Variants in ATP1B1 observed in about 807,000 individuals in gnomAD.
ATP1B1 encodes ATPase Na+/K+ transporting subunit beta 1, also known as sodium/potassium-transporting ATPase subunit beta-1.
Under a neutral mutation model 39.6 loss-of-function variants are expected in ATP1B1, and 3 were observed. The observed-to-expected ratio is 0.08, with a 90% CI of 0.03 to 0.20. The LOEUF (loss-of-function observed/expected upper bound fraction) is 0.20. ATP1B1 is among the 10% of genes least tolerant of loss of function. The pLI, the probability that ATP1B1 is intolerant of heterozygous loss-of-function variation, is 1.00. For synonymous variants in ATP1B1, 139 were observed against 135.0 expected, an observed-to-expected ratio of 1.03 and a Z score of -0.20; for missense variants, 216 against 371.1, an observed-to-expected ratio of 0.58 and a Z score of 3.43.
intron 1 of ATP1B1, chr1:169,107,914 C>CAT (rs1657639741): frequency 6.9e-6 from 1 of 144,442 alleles, no homozygotes; most frequent in South Asian, 2.2e-4. Flanking sequence ...ATCATCATGA[C>CAT]CATCACCACC....
chr1:169,130,319 T>TAA (rs1658181903), intron 5 of ATP1B1, among the ~76,000 whole-genome samples: 1 of 152,156 alleles, frequency 6.6e-6, no homozygotes, highest in Admixed American at 6.5e-5. Flanking sequence ...TCCACTGGCA[T>TAA]AAGAAACTCA....
At chr1:169,115,810 T>C (rs1657832584) in intron 2 of ATP1B1, among the ~76,000 whole-genome samples, 1 of 152,242 alleles carries the variant, frequency 6.6e-6, no homozygotes, top group Non-Finnish European at 1.5e-5. Flanking sequence ...TTGGGAAACA[T>C]GTTTTTAAAA....
rs979735455 is a variant in ATP1B1 at position 169,120,109 on chromosome 1, G to C, written c.227-4775G>C. Among the ~76,000 whole-genome samples the C allele has an allele frequency of 6.6e-5, 10 of 152,218 alleles. No individual in the cohort carries two copies. The South Asian group carries it at 1.9e-3, about 28-fold the overall frequency. Reference sequence around the variant, plus strand: ...CCAGGAGAAGTTCTCAGGCCATCAGGCTTCGGATAAAGAAAAGAGAGGAGG... The same window carrying C: ...CCAGGAGAAGTTCTCAGGCCATCAGCCTTCGGATAAAGAAAAGAGAGGAGG... On this transcript the variant is annotated intron_variant, in intron 2 of 5. Transcript: ENST00000367815.
chr1:169,107,146 C>G (rs1415156786), intron 1 of ATP1B1, among the ~76,000 whole-genome samples: 2 of 152,210 alleles, frequency 1.3e-5, no homozygotes, highest in Non-Finnish European at 2.9e-5. Context: ...TGGAACACGA[C>G]AGGCGGAAGG....
In ATP1B1 at chr1:169,132,533, G is replaced by GTT; in HGVS notation, c.*980_*981dup. On this transcript the variant is annotated 3_prime_UTR_variant, in exon 6 of 6. Transcript: ENST00000367815. ...TGTATGAAATAAACCAAAGTCACTTGTTTGAAAATAAATCTTTATTTTGAA... is the reference window on the plus strand; with the variant it reads ...TGTATGAAATAAACCAAAGTCACTTGTTTTTGAAAATAAATCTTTATTTTGAA... 3 of 432,146 alleles carry GTT rather than the reference G, an allele frequency of 6.9e-6. No individual in the cohort carries two copies. Among genetic ancestry groups the GTT allele is most frequent in the Non-Finnish European group, 1.2e-5 (3 of 246,384 alleles). The allele number at this position is 432,146 out of a possible 1,614,324, so 26.8% of individuals were successfully genotyped here. A position where few individuals can be genotyped will look rare whatever the true frequency, so the allele number is the denominator to read the frequency against.
At chr1:169,127,918 T>C (rs12070626) in intron 4 of ATP1B1, among the ~76,000 whole-genome samples, 21,256 of 152,172 alleles carry the variant, frequency 0.14, 2,803 homozygotes, top group East Asian at 0.73. Flanking sequence ...TTTTCTGAAT[T>C]TTATTGCGGA....
intron 2 of ATP1B1, among the ~76,000 whole-genome samples, chr1:169,122,798 C>G (rs186458720): frequency 1.2e-3 from 155 of 132,112 alleles, no homozygotes; most frequent in Non-Finnish European, 1.6e-3. Flanking sequence ...GCTAGGTTGC[C>G]TGGGCTGGTC....
chr1:169,130,239 G>T, intron 5 of ATP1B1, 149 bp downstream of exon 5: 1 of 676,860 alleles, frequency 1.5e-6, no homozygotes, highest in Non-Finnish European at 2.4e-6. Context: ...GAGATGAATT[G>T]TAGCTATACT....
chr1:169,118,693 A>G (rs1190822278), intron 2 of ATP1B1, among the ~76,000 whole-genome samples: 1 of 152,230 alleles, frequency 6.6e-6, no homozygotes, highest in African/African-American at 2.4e-5. Context: ...ACGTGTGAGT[A>G]TGTATGAATT....
chr1:169,127,769 A>G (rs995534334), intron 4 of ATP1B1, among the ~76,000 whole-genome samples: 1 of 152,184 alleles, frequency 6.6e-6, no homozygotes, highest in African/African-American at 2.4e-5. Flanking sequence ...GGTTAGAGAA[A>G]AAAAAAAGTT....
At chr1:169,125,129 G>C (rs1279587746) in intron 3 of ATP1B1, 90 bp downstream of exon 3, 1 of 1,424,548 alleles carries the variant, frequency 7.0e-7, no homozygotes, top group East Asian at 2.4e-5. Context: ...ATGATCGAGA[G>C]ATAATCCTGA....
Position 169,106,868 on chromosome 1 carries a change from G to A in ATP1B1, c.39G>A (p.Lys13=), listed in dbSNP as rs535529400. 9.6e-5 allele frequency: 152 copies of A among 1,587,338 alleles called. 1 individual carries two copies. In the South Asian group the frequency reaches 1.7e-3, roughly 17 times the overall value. The stretch of plus-strand genomic sequence containing the variant: ...AAGCCAAGGAGGAGGGCAGCTGGAA[G>A]AAATTCATCTGGAACTCAGAGAAGA... The part of the protein sequence containing the change: ...RGKAKEEGSW[K]KFIWNSEKKE... The change falls in exon 1 of 6, where the codon AAG becomes AAA. Residue 13 remains lysine (K), a synonymous_variant. Transcript: ENST00000367815.
At chr1:169,111,151 C>T (rs1657719796) in intron 1 of ATP1B1, among the ~76,000 whole-genome samples, 1 of 152,064 alleles carries the variant, frequency 6.6e-6, no homozygotes, top group Non-Finnish European at 1.5e-5. Context: ...ATTCCTCCTA[C>T]CCTTAACCAC....
intron 2 of ATP1B1, among the ~76,000 whole-genome samples, chr1:169,115,429 A>G (rs576143917): frequency 6.7e-6 from 1 of 150,016 alleles, no homozygotes; most frequent in East Asian, 2.0e-4. Flanking sequence ...GCTCACTGCA[A>G]CCTCTGCCCC....
intron 1 of ATP1B1, 131 bp downstream of exon 1, chr1:169,107,057 C>G: frequency 1.2e-6 from 1 of 840,820 alleles, no homozygotes; most frequent in Non-Finnish European, 1.8e-6. Flanking sequence ...GGGTGGTGGA[C>G]GCTGCTGGGT....
intron 2 of ATP1B1, among the ~76,000 whole-genome samples, chr1:169,118,435 G>C (rs988084025): frequency 6.6e-6 from 1 of 152,204 alleles, no homozygotes; most frequent in African/African-American, 2.4e-5. Flanking sequence ...CTCAGAGCCT[G>C]AGTCTGGGAG....
Position 169,131,643 on chromosome 1 carries a change from A to G in ATP1B1, c.*88A>G. 3 of 1,430,826 alleles carry G rather than the reference A, an allele frequency of 2.1e-6. No homozygotes were observed. Among genetic ancestry groups the G allele is most frequent in the South Asian group, 1.4e-5 (1 of 71,928 alleles). 88.6% of individuals were successfully genotyped at this position (1,430,826 alleles called of 1,614,324 possible). ...ACCTACTAGTCTTGAACAAACTGTCATACGTATGGGACCTACACTTAATCT... is the reference window on the plus strand; with the variant it reads ...ACCTACTAGTCTTGAACAAACTGTCGTACGTATGGGACCTACACTTAATCT... On this transcript the variant is annotated 3_prime_UTR_variant, in exon 6 of 6. Coordinates refer to ENST00000367815, the MANE Select transcript of ATP1B1 (RefSeq NM_001677.4). This position sits in a 1 kb window ranked among gnomAD's most constrained non-coding sequence, Gnocchi z 4.4.
At chr1:169,114,584 T>C (rs768177253) in intron 2 of ATP1B1, among the ~76,000 whole-genome samples, 2 of 152,104 alleles carry the variant, frequency 1.3e-5, no homozygotes, top group Non-Finnish European at 2.9e-5. Context: ...GGCGATAATA[T>C]TGGATAAACT....
Position 169,132,683 on chromosome 1 carries a change from T to C in ATP1B1, c.*1128T>C. On this transcript the variant is annotated 3_prime_UTR_variant, in exon 6 of 6. Transcript: ENST00000367815. ...GTGCTCTTGTTGATCTTGTATTCAG[T>C]CAGGTTAAAACAACGGACAATAAAA... The C allele has an allele frequency of 9.3e-7, 1 of 1,074,718 alleles. No individual in the cohort carries two copies. Among genetic ancestry groups the C allele is most frequent in the Non-Finnish European group, 1.4e-6 (1 of 722,214 alleles). The allele number at this position is 1,074,718 out of a possible 1,614,324, so 66.6% of individuals were successfully genotyped here.
Sources: gnomAD v4.1 joint callset for allele counts (sites outside exome capture counted in the v4.1 genomes callset) on GRCh38, gnomAD v4.1.1 for gene constraint, Gnocchi (gnomAD v3.1) non-coding constraint, MANE v1.5 for transcripts, NCBI Gene and HGNC (gene_info 2026-07-23, HGNC 2026-07-21) for gene names.